Variants in ZNF106 observed in about 807,000 individuals in gnomAD.
ZNF106 encodes the protein SH3-domain binding protein 3.
A neutral mutation model predicts 195.1 loss-of-function variants in ZNF106; 67 were observed. That is an observed-to-expected ratio of 0.34 (90% CI 0.28 to 0.42). The LOEUF (loss-of-function observed/expected upper bound fraction) is 0.42. ZNF106 is among the 10% of genes least tolerant of loss of function. ZNF106 has a pLI of 1.00. For missense variants in ZNF106, 2,118 were observed against 2,304.5 expected (o/e 0.92, Z 1.66); for synonymous variants, 784 against 818.6 (o/e 0.96, Z 0.72).
At chr15:42,418,357 C>CTT (rs540271844) in intron 20 of ZNF106, among the ~76,000 whole-genome samples, 5,891 of 122,804 alleles carry the variant, frequency 0.048, 691 homozygotes, top group African/African-American at 0.17. Context: ...ATCGAAAGGG[C>CTT]TTTTTTTTTT....
intron 1 of ZNF106, among the ~76,000 whole-genome samples, chr15:42,473,240 C>T (rs2056717576): frequency 6.6e-6 from 1 of 152,140 alleles, no homozygotes. Context: ...CTGAACTCCA[C>T]AACACTTTTG....
At chr15:42,449,121 C>T (rs2055885000) in intron 5 of ZNF106, among the ~76,000 whole-genome samples, 1 of 152,028 alleles carries the variant, frequency 6.6e-6, no homozygotes, top group African/African-American at 2.4e-5. Context: ...GGAAATAAAC[C>T]CATTATTTCA....
intron 11 of ZNF106, 128 bp downstream of exon 11, chr15:42,438,905 T>A: frequency 1.8e-6 from 2 of 1,110,654 alleles, no homozygotes; most frequent in South Asian, 3.3e-5. Context: ...TTTTTCCATA[T>A]CCACAATCTC....
At chr15:42,435,269 A>T (rs1420580896) in intron 14 of ZNF106, 115 bp downstream of exon 14, 2 of 1,424,720 alleles carry the variant, frequency 1.4e-6, no homozygotes, top group Non-Finnish European at 1.9e-6. Context: ...ATTGTTTAGA[A>T]GCAAAAAGGA....
chr15:42,451,691 G>A lies in ZNF106; in HGVS notation c.581C>T (p.Ser194Phe), dbSNP rs147629444. 3 of 1,614,188 alleles carry A rather than the reference G, an allele frequency of 1.9e-6. No homozygotes were observed. The highest frequency in any genetic ancestry group is 2.7e-5 in the African/African-American group (2 of 75,048). The change falls in exon 5 of 22, where the codon TCC (serine) becomes TTC (phenylalanine). Residue 194 changes from serine (S) to phenylalanine (F), a missense_variant. Physicochemically the swap from Ser to Phe is radical, Grantham distance 155. Transcript: ENST00000564754. ...ACTATGGTTGTGAAACCAAGTCGAGGAGCCTCCTGCAACACCCTTATGCCA... is the reference window on the plus strand; with the variant it reads ...ACTATGGTTGTGAAACCAAGTCGAGAAGCCTCCTGCAACACCCTTATGCCA... ...SGWHKGVAGG[S>F]STWFHNHSNS...
chr15:42,450,757 G>A lies in ZNF106; in HGVS notation c.1515C>T (p.Ser505=), dbSNP rs1595469115. ...TCGAGGGATTTGAGTGTTCTCCAGG[G>A]GAAAAAAAATTTGTTTTGGTGTTTT... ...ISKNTKTNFF[S]PGEHSNPSNK... is the part of the protein sequence containing the mutation. The change falls in exon 5 of 22, where the codon TCC becomes TCT. Residue 505 remains serine (S), a synonymous_variant. Transcript: ENST00000564754. The A allele has an allele frequency of 1.2e-6, 2 of 1,613,930 alleles. No homozygotes were observed. The highest frequency in any genetic ancestry group is 1.7e-6 in the Non-Finnish European group (2 of 1,179,980).
At chr15:42,440,994 AAAAAATATATATATATATAT>A (rs1315047358) in intron 10 of ZNF106, among the ~76,000 whole-genome samples, 2 of 54,512 alleles carry the variant, frequency 3.7e-5, no homozygotes, top group African/African-American at 2.7e-4. Flanking sequence ...AAAAAAAAAA[AAAAAATATATATATATATAT>A]ATATATATAT....
intron 15 of ZNF106, among the ~76,000 whole-genome samples, chr15:42,427,149 C>T (rs1443635942): frequency 6.6e-6 from 1 of 152,110 alleles, no homozygotes; most frequent in Non-Finnish European, 1.5e-5. Flanking sequence ...TTATATATTT[C>T]CTCCATTCCC....
rs1429286448 is a variant in ZNF106 at position 42,435,393 on chromosome 15, A to G, written c.4872T>C (p.Tyr1624=). 3.1e-6 allele frequency: 5 copies of G among 1,614,080 alleles called. No homozygotes were observed. Among genetic ancestry groups the G allele is most frequent in the Non-Finnish European group, 4.2e-6 (5 of 1,180,040 alleles). ...TGSSDHTIRC[Y]NVKSRECVEQ... is the part of the protein sequence containing the mutation. ...CTCTGGACCCACCTACCTTAACATT[A>G]TAGCAGCGGATGGTATGGTCACTGG... Residue 1624 remains tyrosine, a synonymous_variant, in exon 14 of 22, where the codon TAT becomes TAC. Transcript: ENST00000564754.
At chr15:42,433,878 T>G (rs2055164327) in intron 14 of ZNF106, among the ~76,000 whole-genome samples, 1 of 152,164 alleles carries the variant, frequency 6.6e-6, no homozygotes, top group African/African-American at 2.4e-5. Context: ...AGGCAGGTTC[T>G]TGTTCTGTCA....
In ZNF106 at chr15:42,444,844, G is replaced by A; in HGVS notation, c.3343C>T (p.Leu1115Phe). 1 of 1,613,998 alleles carries A rather than the reference G, an allele frequency of 6.2e-7. No individual in the cohort carries two copies. Among genetic ancestry groups the A allele is most frequent in the East Asian group, 2.2e-5 (1 of 44,882 alleles). Residue 1115 changes from leucine to phenylalanine, a missense_variant, in exon 8 of 22, where the codon CTT (leucine) becomes TTT (phenylalanine). Physicochemically the swap from Leu to Phe is conservative, Grantham distance 22. Transcript: ENST00000564754. The stretch of plus-strand genomic sequence containing the variant: ...GCTGTTACCTGCTGCTTGAGCATAA[G>A]TAGCCTCTGAACTTCCACATAAGCT... ...QTAYVEVQRLLMLKQQITMEM... is the reference protein window; with the variant it reads ...QTAYVEVQRLFMLKQQITMEM...
rs1280010596 is a variant in ZNF106, at chr15:42,439,048, T to A, written c.4529A>T (p.Asp1510Val). ...STSEIGTRYKDGIPVSVAETQ... is the reference protein window; with the variant it reads ...STSEIGTRYKVGIPVSVAETQ... ...ATATTCTTACCTTACAGGGATGCCA[T>A]CTTTATAGCGAGTGCCAATTTCACT... The change falls in exon 11 of 22, where the codon GAT becomes GTT. Residue 1510 changes from aspartate to valine, a missense_variant. Asp to Val is a radical substitution (Grantham distance 152). Coordinates refer to ENST00000564754, the MANE Select transcript of ZNF106 (RefSeq NM_001366845.3). 1 of 1,613,396 alleles carries A rather than the reference T, an allele frequency of 6.2e-7. No homozygotes were observed. Among genetic ancestry groups the A allele is most frequent in the Non-Finnish European group, 8.5e-7 (1 of 1,179,656 alleles).
At position 42,450,543 on chromosome 15, in the gene ZNF106, T is replaced by C. The variant is rs1287517580; in HGVS notation, c.1729A>G (p.Ser577Gly). Reference protein sequence around the residue: ...CHESLQNPLLSTSKSTRNYAK... With the variant: ...CHESLQNPLLGTSKSTRNYAK... ...TAGTTCCTGGTACTTTTAGAAGTGCTAAGAAGTGGATTTTGCAATGACTCA... is the reference window on the plus strand; with the variant it reads ...TAGTTCCTGGTACTTTTAGAAGTGCCAAGAAGTGGATTTTGCAATGACTCA... The change falls in exon 5 of 22, where the codon AGC (serine) becomes GGC (glycine). Residue 577 changes from serine to glycine, a missense_variant. Transcript: ENST00000564754. 4 of 1,614,106 alleles carry C rather than the reference T, an allele frequency of 2.5e-6. No homozygotes were observed. Among genetic ancestry groups the C allele is most frequent in the Non-Finnish European group, 3.4e-6 (4 of 1,180,054 alleles).
At chr15:42,445,563 T>C (rs1018532756) in intron 7 of ZNF106, among the ~76,000 whole-genome samples, 1 of 152,228 alleles carries the variant, frequency 6.6e-6, no homozygotes, top group African/African-American at 2.4e-5. Flanking sequence ...ACCTCTCCCT[T>C]AAGCTCCACA....
intron 3 of ZNF106, among the ~76,000 whole-genome samples, chr15:42,458,214 A>G (rs1429637465): frequency 1.3e-5 from 2 of 152,124 alleles, no homozygotes; most frequent in African/African-American, 2.4e-5. Context: ...AAAAAAACCA[A>G]CAACCCAAAA....
At chr15:42,476,324 T>C (rs939745496) in intron 1 of ZNF106, among the ~76,000 whole-genome samples, 4 of 152,206 alleles carry the variant, frequency 2.6e-5, no homozygotes, top group Non-Finnish European at 5.9e-5. Context: ...CCCAGTCTTC[T>C]AGATGGGAAC....
chr15:42,448,896 G>C (rs1232063253), intron 5 of ZNF106, among the ~76,000 whole-genome samples, 191 bp from the exon 6 acceptor site: 1 of 152,018 alleles, frequency 6.6e-6, no homozygotes, highest in Non-Finnish European at 1.5e-5. Context: ...TACCAGATTA[G>C]AGGTTTGTAT....
At position 42,450,839 on chromosome 15, in the gene ZNF106, A is replaced by T. The variant is rs759537665; in HGVS notation, c.1433T>A (p.Leu478His). 1.2e-6 allele frequency: 2 copies of T among 1,614,152 alleles called. No individual in the cohort carries two copies. Among genetic ancestry groups the T allele is most frequent in the Admixed American group, 3.3e-5 (2 of 60,006 alleles). ...CAATGATTTAGTGGCTGGACATGGAAGGAGTGGGGATTTCAATGATGGCAT... is the reference window on the plus strand; with the variant it reads ...CAATGATTTAGTGGCTGGACATGGATGGAGTGGGGATTTCAATGATGGCAT... ...NKMPSLKSPLLPCPATKSLSQ... is the reference protein window; with the variant it reads ...NKMPSLKSPLHPCPATKSLSQ... Residue 478 changes from leucine to histidine, a missense_variant, in exon 5 of 22, where the codon CTT becomes CAT. By Grantham distance (99) the Leu-to-His change is moderately conservative. Coordinates refer to ENST00000564754, the MANE Select transcript of ZNF106 (RefSeq NM_001366845.3).
intron 14 of ZNF106, 33 bp downstream of exon 14, chr15:42,435,351 T>C: frequency 6.2e-7 from 1 of 1,613,872 alleles, no homozygotes; most frequent in East Asian, 2.2e-5. Flanking sequence ...CGACTCAATA[T>C]GAACCACTTT....
Sources: gnomAD v4.1 joint callset for allele counts (sites outside exome capture counted in the v4.1 genomes callset) on GRCh38, gnomAD v4.1.1 for gene constraint, MANE v1.5 for transcripts, NCBI Gene and HGNC (gene_info 2026-07-23, HGNC 2026-07-21) for gene names.